The following CDH19 variants were observed in gnomAD, a reference collection of about 807,000 sequenced individuals.
The protein encoded by CDH19 is cadherin 19, also known as cadherin-19.
CDH19 carries 67 observed loss-of-function variants against 64.2 expected under a neutral mutation model. That is an observed-to-expected ratio of 1.04 (90% CI 0.86 to 1.28). CDH19 has a LOEUF of 1.28. Ranked by LOEUF, CDH19 falls within the 50% of genes most tolerant of loss-of-function variation. CDH19 has a pLI of 0.00. For missense variants in CDH19, 1,030 were observed against 929.0 expected, an observed-to-expected ratio of 1.11 and a Z score of -1.41; for synonymous variants, 346 against 319.3, an observed-to-expected ratio of 1.08 and a Z score of -0.89.
At chr18:66,545,719 T>C (rs1423196866) in intron 5 of CDH19, among the ~76,000 whole-genome samples, 2 of 151,874 alleles carry the variant, frequency 1.3e-5, no homozygotes, top group Non-Finnish European at 2.9e-5. Flanking sequence ...GGTGGGAGAG[T>C]CTGCATGCAA....
chr18:66,590,368 A>G (rs1007030585), intron 1 of CDH19, among the ~76,000 whole-genome samples: 1 of 151,918 alleles, frequency 6.6e-6, no homozygotes, highest in African/African-American at 2.4e-5. Flanking sequence ...TTGCTATTTT[A>G]TAAATGCAGA....
chr18:66,513,649 A>G (rs1350690720), intron 9 of CDH19, among the ~76,000 whole-genome samples: 1 of 151,416 alleles, frequency 6.6e-6, no homozygotes, highest in Non-Finnish European at 1.5e-5. Context: ...ATAAAATTAT[A>G]AGAAAAACTT....
rs1984990700 is a variant in CDH19 at position 66,502,541 on chromosome 18, G to T, written c.*2271C>A. The T allele has an allele frequency of 6.6e-6, 1 of 151,580 alleles. No individual in the cohort carries two copies. Among genetic ancestry groups the T allele is most frequent in the Non-Finnish European group, 1.5e-5 (1 of 67,798 alleles). 9.4% of individuals were successfully genotyped at this position (151,580 alleles called of 1,614,324 possible). On this transcript the variant is annotated 3_prime_UTR_variant, in exon 12 of 12. Transcript: ENST00000262150. ...TTTTCCATGAATTCTTCCATCTGTT[G>T]TTTATCATACTTTTTAGTTTTCTAC...
intron 7 of CDH19, among the ~76,000 whole-genome samples, chr18:66,541,899 T>C (rs1484056876): frequency 6.6e-6 from 1 of 152,134 alleles, no homozygotes; most frequent in African/African-American, 2.4e-5. Context: ...TCTTCATATA[T>C]ATGTAGCATT....
intron 1 of CDH19, among the ~76,000 whole-genome samples, chr18:66,585,038 T>C (rs2144612402): frequency 6.6e-6 from 1 of 152,142 alleles, no homozygotes; most frequent in Admixed American, 6.6e-5. Context: ...GTACATAAAA[T>C]TGGTCTCACA....
intron 1 of CDH19, among the ~76,000 whole-genome samples, chr18:66,602,165 A>G (rs1035395265): frequency 6.6e-6 from 1 of 152,002 alleles, no homozygotes; most frequent in Non-Finnish European, 1.5e-5. Flanking sequence ...AGAAAGATCA[A>G]TATCTCCTTT....
chr18:66,505,079 C>A lies in CDH19; in HGVS notation c.2052G>T (p.Gln684His). 1 of 1,613,734 alleles carries A rather than the reference C, an allele frequency of 6.2e-7. No homozygotes were observed. The highest frequency in any genetic ancestry group is 8.5e-7 in the Non-Finnish European group (1 of 1,179,772). Residue 684 changes from glutamine (Q) to histidine (H), a missense_variant, in exon 12 of 12, where the codon CAG (glutamine) becomes CAT (histidine). Gln to His is a conservative substitution (Grantham distance 24, BLOSUM62 0). Coordinates refer to ENST00000262150, the MANE Select transcript of CDH19 (RefSeq NM_021153.4). ...TSAEIRSLYR[Q>H]SLQVGPDSAI... ...CACTGTCGGGGCCAACTTGCAAAGA[C>A]TGCCTGTATAGGCTCCTGATCTCAG...
chr18:66,510,583 AAATAAT>A (rs58115682), intron 10 of CDH19, among the ~76,000 whole-genome samples: 26,902 of 139,128 alleles, frequency 0.19, 2,745 homozygotes, highest in African/African-American at 0.25. Context: ...AGTCTGCAAC[AAATAAT>A]AATAATAATA....
At chr18:66,591,914 T>C (rs1007999017) in intron 1 of CDH19, among the ~76,000 whole-genome samples, 2 of 151,866 alleles carry the variant, frequency 1.3e-5, no homozygotes, top group Non-Finnish European at 2.9e-5. Flanking sequence ...ATCTCTTTTC[T>C]AATCTCCAGA....
rs1222477794 is a variant in CDH19 at position 66,544,016 on chromosome 18, C to T, written c.1169G>A (p.Gly390Asp). ...GTCTGGGTCTGTGGCAGACACCACG[C>T]CTACAAATGATCCCTGTGGGGTTTC... Reference protein sequence around the residue: ...FEETPQGSFVGVVSATDPDNR... With the variant: ...FEETPQGSFVDVVSATDPDNR... Residue 390 changes from glycine to aspartate, a missense_variant, in exon 7 of 12, where the codon GGC (glycine) becomes GAC (aspartate). Transcript: ENST00000262150. 1.9e-6 allele frequency: 3 copies of T among 1,613,554 alleles called. No homozygotes were observed. The highest frequency in any genetic ancestry group is 2.5e-6 in the Non-Finnish European group (3 of 1,179,536).
intron 9 of CDH19, among the ~76,000 whole-genome samples, chr18:66,521,215 G>A (rs1464503690): frequency 6.6e-6 from 1 of 151,976 alleles, no homozygotes; most frequent in Non-Finnish European, 1.5e-5. Flanking sequence ...TAATTTCTAT[G>A]AATGCATATT....
At chr18:66,568,271 A>G (rs1987979368) in intron 3 of CDH19, 145 bp downstream of exon 3, 10 of 608,166 alleles carry the variant, frequency 1.6e-5, no homozygotes, top group Non-Finnish European at 2.8e-5. Flanking sequence ...TGCATAGTCT[A>G]ATTTTTCAAA....
At chr18:66,571,902 C>T (rs897900785) in intron 2 of CDH19, 108 bp downstream of exon 2, 65 of 735,652 alleles carry the variant, frequency 8.8e-5, no homozygotes, top group Non-Finnish European at 1.3e-4. Context: ...TGAAGCTTTT[C>T]AATGGCTTCA....
At chr18:66,591,111 A>G (rs1056488539) in intron 1 of CDH19, among the ~76,000 whole-genome samples, 1 of 151,970 alleles carries the variant, frequency 6.6e-6, no homozygotes, top group African/African-American at 2.4e-5. Context: ...TTCTTAAACA[A>G]TCTCAGATTG....
intron 11 of CDH19, among the ~76,000 whole-genome samples, chr18:66,507,285 T>C (rs1376439828): frequency 6.6e-6 from 1 of 151,670 alleles, no homozygotes; most frequent in Non-Finnish European, 1.5e-5. Flanking sequence ...TAATGGTAGG[T>C]GTAAATGAGG....
At position 66,516,488 on chromosome 18, in the gene CDH19, T is replaced by A. The variant is rs138755637; in HGVS notation, c.1459-4803A>T. Among the ~76,000 whole-genome samples the A allele has an allele frequency of 2.3e-4, 35 of 152,100 alleles. No homozygotes were observed. In the East Asian group the frequency reaches 5.6e-3, roughly 24 times the overall value. On this transcript the variant is annotated intron_variant, in intron 9 of 11. Transcript: ENST00000262150. ...TGGTACAGTATGCTTCAAATAGAGA[T>A]ATAATTCCTGAGTCCCAAAATTTGC...
intron 1 of CDH19, among the ~76,000 whole-genome samples, chr18:66,583,066 T>C (rs1988471116): frequency 6.6e-6 from 1 of 152,100 alleles, no homozygotes; most frequent in Admixed American, 6.6e-5. Flanking sequence ...TTTTGTATGC[T>C]CCTGTATTGA....
chr18:66,556,362 A>C (rs1403236847), intron 3 of CDH19, among the ~76,000 whole-genome samples: 2 of 151,716 alleles, frequency 1.3e-5, no homozygotes, highest in Non-Finnish European at 2.9e-5. Context: ...TGTACATTAG[A>C]TCTCTAGATT....
intron 9 of CDH19, among the ~76,000 whole-genome samples, chr18:66,522,361 G>A (rs1986032779): frequency 6.6e-6 from 1 of 152,020 alleles, no homozygotes; most frequent in African/African-American, 2.4e-5. Flanking sequence ...TCCTGCCTCA[G>A]CCTCCCAAGC....
Sources: gnomAD v4.1 joint callset for allele counts (sites outside exome capture counted in the v4.1 genomes callset) on GRCh38, gnomAD v4.1.1 for gene constraint, MANE v1.5 for transcripts, NCBI Gene and HGNC (gene_info 2026-07-23, HGNC 2026-07-21) for gene names.